MIPOL1: variants seen among roughly 807,000 people sequenced by gnomAD.
The protein encoded by MIPOL1 is mirror-image polydactyly gene 1 protein.
Under a neutral mutation model 60.9 loss-of-function variants are expected in MIPOL1, and 57 were observed. The ratio of observed to expected loss-of-function variants is 0.94; its 90% CI spans 0.76 to 1.17. The LOEUF (loss-of-function observed/expected upper bound fraction) is 1.17, where lower values mean the gene tolerates loss of function less well. Ranked by LOEUF, MIPOL1 falls within the 50% of genes most tolerant of loss-of-function variation. The pLI, the probability that MIPOL1 is intolerant of heterozygous loss-of-function variation, is 0.00. For synonymous variants in MIPOL1, 179 were observed against 168.8 expected, an observed-to-expected ratio of 1.06 and a Z score of -0.47; for missense variants, 551 against 511.6, an observed-to-expected ratio of 1.08 and a Z score of -0.74.
chr14:37,204,946 A>G (rs556178911), intron 1 of MIPOL1, among the ~76,000 whole-genome samples: 1 of 152,256 alleles, frequency 6.6e-6, no homozygotes, highest in East Asian at 1.9e-4. Context: ...AGTGATATGG[A>G]CAATAAAATC....
chr14:37,212,974 G>A lies in MIPOL1; in HGVS notation c.-199+14870G>A, dbSNP rs148739780. Among the ~76,000 whole-genome samples the A allele has an allele frequency of 1.1e-4, 16 of 152,240 alleles. 1 individual carries two copies. Among genetic ancestry groups the A allele is most frequent in the African/African-American group, 2.9e-4 (12 of 41,528 alleles). The stretch of plus-strand genomic sequence containing the variant: ...TCCAGATCTTGTCCAAGATTATCAA[G>A]GTTGTACCTATGTGAGTCTGCAAGA... On this transcript the variant is annotated intron_variant, in intron 1 of 12. Transcript: ENST00000684589.
intron 10 of MIPOL1, among the ~76,000 whole-genome samples, chr14:37,390,405 T>A (rs534524023): frequency 6.6e-6 from 1 of 152,108 alleles, no homozygotes; most frequent in South Asian, 2.1e-4. Context: ...CATTGAAAAT[T>A]ACTAGATACA....
intron 11 of MIPOL1, among the ~76,000 whole-genome samples, chr14:37,467,590 C>G (rs991391218): frequency 5.3e-5 from 8 of 152,120 alleles, no homozygotes; most frequent in African/African-American, 1.7e-4. Flanking sequence ...AGCCTTTCTT[C>G]CTTATCTATG....
At chr14:37,436,877 A>G (rs1260774168) in intron 11 of MIPOL1, among the ~76,000 whole-genome samples, 3 of 152,190 alleles carry the variant, frequency 2.0e-5, no homozygotes, top group Non-Finnish European at 2.9e-5. Context: ...CATTCCTTAA[A>G]TCATGAACTA....
chr14:37,412,709 T>G (rs2093699724), intron 10 of MIPOL1, among the ~76,000 whole-genome samples: 1 of 152,152 alleles, frequency 6.6e-6, no homozygotes, highest in Admixed American at 6.6e-5. Context: ...GAAATAATTC[T>G]ATTTATTTAT....
At chr14:37,311,418 G>A (rs2087310391) in intron 9 of MIPOL1, among the ~76,000 whole-genome samples, 1 of 152,036 alleles carries the variant, frequency 6.6e-6, no homozygotes, top group Non-Finnish European at 1.5e-5. Context: ...TTAACATTTG[G>A]TAATATTTGC....
chr14:37,225,212 A>G (rs1381102824), intron 1 of MIPOL1, among the ~76,000 whole-genome samples: 1 of 152,130 alleles, frequency 6.6e-6, no homozygotes, highest in Non-Finnish European at 1.5e-5. Flanking sequence ...CAGTACTTAC[A>G]CCATTTTAGG....
chr14:37,277,563 G>A (rs573595289), intron 6 of MIPOL1: 9 of 151,028 alleles, frequency 6.0e-5, no homozygotes, highest in African/African-American at 9.7e-5. Context: ...TATAGTAATC[G>A]AGGGTTTTTT....
intron 11 of MIPOL1, among the ~76,000 whole-genome samples, chr14:37,443,749 CAAA>C (rs752472741): frequency 4.2e-5 from 3 of 70,648 alleles, no homozygotes; most frequent in African/African-American, 3.8e-5. Flanking sequence ...ATGATAGGCT[CAAA>C]AAAAAAAAAA....
At chr14:37,369,351 G>C (rs1255637927) in intron 9 of MIPOL1, among the ~76,000 whole-genome samples, 166 bp from the exon 10 acceptor site, 3 of 150,452 alleles carry the variant, frequency 2.0e-5, no homozygotes, top group African/African-American at 7.3e-5. Flanking sequence ...TGTAAGCAAT[G>C]TTTTTATTTA....
At chr14:37,236,518 C>T (rs1339933608) in intron 1 of MIPOL1, among the ~76,000 whole-genome samples, 1 of 151,896 alleles carries the variant, frequency 6.6e-6, no homozygotes. Flanking sequence ...CTCACTGCAG[C>T]CTCTGCCTCC....
Position 37,332,171 on chromosome 14 carries a change from C to T in MIPOL1, c.828+23652C>T, listed in dbSNP as rs547789055. Among the ~76,000 whole-genome samples, 6 of 150,058 alleles carry T rather than the reference C, an allele frequency of 4.0e-5. No homozygotes were observed. In the South Asian group the frequency reaches 1.0e-3, roughly 26 times the overall value. On this transcript the variant is annotated intron_variant, in intron 9 of 12. Transcript: ENST00000684589. ...AAGGCACTTTCAGTTTTTTCCTATT[C>T]TATATGATTCTAGCTGTAGGTTTGT...
chr14:37,378,089 G>T (rs183321737), intron 10 of MIPOL1, among the ~76,000 whole-genome samples: 1,870 of 152,192 alleles, frequency 0.012, 13 homozygotes, highest in Middle Eastern at 0.031. Context: ...ATACATTGCT[G>T]TTAGGAGTGT....
chr14:37,510,198 A>G (rs928718314), intron 12 of MIPOL1, among the ~76,000 whole-genome samples: 3 of 152,048 alleles, frequency 2.0e-5, no homozygotes, highest in African/African-American at 7.2e-5. Flanking sequence ...TATGGTTTAT[A>G]TATATACACA....
intron 10 of MIPOL1, among the ~76,000 whole-genome samples, chr14:37,377,027 G>A (rs1255822111): frequency 6.6e-6 from 1 of 151,970 alleles, no homozygotes; most frequent in African/African-American, 2.4e-5. Context: ...CTCTATGTCT[G>A]CTCTTCCACT....
intron 11 of MIPOL1, among the ~76,000 whole-genome samples, chr14:37,438,096 T>C (rs1211942880): frequency 2.0e-5 from 3 of 152,148 alleles, no homozygotes; most frequent in African/African-American, 7.2e-5. Context: ...GATTTGGCCC[T>C]TTTTGATTAA....
rs2093617676 is a variant in MIPOL1 at position 37,407,862 on chromosome 14, T to TTTTTG, written c.937-14992_937-14988dup. On this transcript the variant is annotated intron_variant, in intron 10 of 12. Transcript: ENST00000684589. Reference sequence around the variant, plus strand: ...TTCTTCTTCTTTTTTTTTTTTTTTTTTTTTGGAGACAAGGTCTCACTCTGT... The same window carrying TTTTTG: ...TTCTTCTTCTTTTTTTTTTTTTTTTTTTTTGTTTTGGAGACAAGGTCTCACTCTGT... Among the ~76,000 whole-genome samples, 3 of 135,160 alleles carry TTTTTG rather than the reference T, an allele frequency of 2.2e-5. 1 individual carries two copies. The highest frequency in any genetic ancestry group is 1.5e-4 in the Admixed American group (2 of 13,440). 88.7% of individuals were successfully genotyped at this position (135,160 alleles called of 152,430 possible). A position where few individuals can be genotyped will look rare whatever the true frequency, so the allele number is the denominator to read the frequency against.
intron 6 of MIPOL1, chr14:37,276,669 G>A (rs1310804875): frequency 6.6e-6 from 1 of 151,040 alleles, no homozygotes; most frequent in Admixed American, 6.6e-5. Flanking sequence ...GTACATATTG[G>A]AATCTAATTT....
At chr14:37,332,980 T>C (rs910253271) in intron 9 of MIPOL1, among the ~76,000 whole-genome samples, 3 of 152,204 alleles carry the variant, frequency 2.0e-5, no homozygotes, top group Admixed American at 6.5e-5. Context: ...TGCAATACTT[T>C]AGCTCACTGC....
Sources: gnomAD v4.1 joint callset for allele counts (sites outside exome capture counted in the v4.1 genomes callset) on GRCh38, gnomAD v4.1.1 for gene constraint, MANE v1.5 for transcripts, NCBI Gene and HGNC (gene_info 2026-07-23, HGNC 2026-07-21) for gene names.